FSTL5: variants seen among roughly 807,000 people sequenced by gnomAD.
The protein encoded by FSTL5 is follistatin-related protein 5.
In FSTL5, 62 loss-of-function variants were observed where a neutral mutation model predicts 89.1. The ratio of observed to expected loss-of-function variants is 0.70; its 90% CI spans 0.57 to 0.86. The LOEUF is 0.86. FSTL5 is among the 40% of genes least tolerant of loss of function. The pLI is 0.00. For missense variants in FSTL5, 1,057 were observed against 1,001.6 expected (o/e 1.06, Z -0.75); for synonymous variants, 383 against 346.2 (o/e 1.11, Z -1.18).
chr4:161,604,680 C>A (rs901983589), intron 7 of FSTL5, among the ~76,000 whole-genome samples: 1 of 152,064 alleles, frequency 6.6e-6, no homozygotes, highest in African/African-American at 2.4e-5. Context: ...ATGGGAGATG[C>A]CCTGTTGGAA....
chr4:161,943,507 T>G (rs1734648398), intron 3 of FSTL5, among the ~76,000 whole-genome samples: 1 of 146,756 alleles, frequency 6.8e-6, no homozygotes, highest in Non-Finnish European at 1.5e-5. Context: ...TATAAGTTTT[T>G]TATTGGACTT....
At chr4:162,095,877 T>C (rs1561016254) in intron 2 of FSTL5, among the ~76,000 whole-genome samples, 1 of 151,996 alleles carries the variant, frequency 6.6e-6, no homozygotes, top group African/African-American at 2.4e-5. Context: ...GTAAGTACGA[T>C]GATCAAGCAT....
chr4:161,927,401 T>C (rs1405648433), intron 3 of FSTL5, among the ~76,000 whole-genome samples: 2 of 151,718 alleles, frequency 1.3e-5, no homozygotes, highest in African/African-American at 4.8e-5. Flanking sequence ...CATATTAACA[T>C]TTTTTAAGTG....
intron 4 of FSTL5, among the ~76,000 whole-genome samples, chr4:161,897,053 C>T (rs967146083): frequency 1.6e-4 from 24 of 151,956 alleles, no homozygotes; most frequent in Non-Finnish European, 3.2e-4. Flanking sequence ...ATTCTCCTGT[C>T]TCAGCCTCCC....
At chr4:161,914,346 T>G (rs560844193) in intron 4 of FSTL5, among the ~76,000 whole-genome samples, 2 of 152,176 alleles carry the variant, frequency 1.3e-5, no homozygotes, top group Non-Finnish European at 2.9e-5. Flanking sequence ...GTCTAAGGAT[T>G]TGAATGTTAA....
chr4:161,947,498 T>C (rs1734768951), intron 3 of FSTL5, among the ~76,000 whole-genome samples: 2 of 152,110 alleles, frequency 1.3e-5, no homozygotes, highest in South Asian at 4.1e-4. Flanking sequence ...TTAAATACGT[T>C]CCTTTTCTCT....
rs567891340 is a variant in FSTL5, at chr4:161,469,613, G to T, written c.1609-10294C>A. On this transcript the variant is annotated intron_variant, in intron 13 of 15. Transcript: ENST00000306100. ...ATAACGTCTTTGAAAAATGTCTATTGAAGTTCTTTGCCCACTTTATTTATC... is the reference window on the plus strand; with the variant it reads ...ATAACGTCTTTGAAAAATGTCTATTTAAGTTCTTTGCCCACTTTATTTATC... Among the ~76,000 whole-genome samples the T allele has an allele frequency of 7.1e-4, 107 of 150,322 alleles. 1 individual carries two copies. In the South Asian group the frequency reaches 0.021, roughly 29 times the overall value.
intron 3 of FSTL5, among the ~76,000 whole-genome samples, chr4:162,020,328 T>TA (rs570310365): frequency 8.6e-5 from 13 of 152,032 alleles, no homozygotes; most frequent in East Asian, 1.9e-4. Context: ...AATTCAATAT[T>TA]AAAAAAATAG....
chr4:162,143,748 A>ACACACCCAC (rs1363446909), intron 1 of FSTL5, among the ~76,000 whole-genome samples: 1 of 127,680 alleles, frequency 7.8e-6, no homozygotes, highest in Non-Finnish European at 1.6e-5. Flanking sequence ...ACACACACAC[A>ACACACCCAC]CCCAGGAAAA....
At chr4:161,488,107 A>AT (rs1489271153) in intron 12 of FSTL5, among the ~76,000 whole-genome samples, 2 of 152,082 alleles carry the variant, frequency 1.3e-5, no homozygotes, top group African/African-American at 4.8e-5. Context: ...AAATTTGACC[A>AT]TTTTTTAAAG....
intron 2 of FSTL5, among the ~76,000 whole-genome samples, chr4:162,041,272 G>A (rs1406722549): frequency 6.6e-6 from 1 of 150,434 alleles, no homozygotes; most frequent in East Asian, 1.9e-4. Flanking sequence ...CTGTCTAGAG[G>A]ACATAGCATA....
At chr4:161,872,715 T>A (rs1225224766) in intron 4 of FSTL5, among the ~76,000 whole-genome samples, 1 of 152,152 alleles carries the variant, frequency 6.6e-6, no homozygotes, top group Non-Finnish European at 1.5e-5. Flanking sequence ...ACCAGCTTAG[T>A]AGCCATTAAA....
chr4:161,818,635 T>C (rs868399076), intron 4 of FSTL5, among the ~76,000 whole-genome samples: 31 of 152,148 alleles, frequency 2.0e-4, no homozygotes, highest in Admixed American at 1.8e-3. Context: ...CACACCCCCA[T>C]TGCACGCACT....
chr4:161,895,933 T>G (rs1212451714), intron 4 of FSTL5, among the ~76,000 whole-genome samples: 1 of 152,104 alleles, frequency 6.6e-6, no homozygotes, highest in African/African-American at 2.4e-5. Context: ...CTGCTTTACT[T>G]CTATATTATT....
chr4:161,650,534 C>T (rs1015347423), intron 7 of FSTL5, among the ~76,000 whole-genome samples: 17 of 152,056 alleles, frequency 1.1e-4, no homozygotes, highest in Non-Finnish European at 2.4e-4. Context: ...ATAATGCTTT[C>T]TTCAAAGAAA....
At chr4:161,436,810 A>G (rs1054655504) in intron 15 of FSTL5, among the ~76,000 whole-genome samples, 19 of 152,208 alleles carry the variant, frequency 1.2e-4, no homozygotes, top group Non-Finnish European at 2.6e-4. Flanking sequence ...CTTGCTTGCA[A>G]TAGAGAAAAC....
chr4:161,955,310 A>G (rs1173959606), intron 3 of FSTL5, among the ~76,000 whole-genome samples: 1 of 151,682 alleles, frequency 6.6e-6, no homozygotes, highest in Non-Finnish European at 1.5e-5. Flanking sequence ...AAGCCAGAGA[A>G]TAGTACTCTT....
intron 6 of FSTL5, among the ~76,000 whole-genome samples, chr4:161,710,063 G>C (rs1319303464): frequency 6.6e-6 from 1 of 151,910 alleles, no homozygotes; most frequent in Non-Finnish European, 1.5e-5. Flanking sequence ...TTACTTCCTG[G>C]GGTCAAGCAA....
intron 2 of FSTL5, among the ~76,000 whole-genome samples, chr4:162,099,933 T>C (rs1056021586): frequency 1.4e-5 from 2 of 142,948 alleles, no homozygotes; most frequent in Admixed American, 1.4e-4. Flanking sequence ...CTGGTGAGGA[T>C]AGTGGAGCAA....
Sources: gnomAD v4.1 joint callset for allele counts (sites outside exome capture counted in the v4.1 genomes callset) on GRCh38, gnomAD v4.1.1 for gene constraint, MANE v1.5 for transcripts, NCBI Gene and HGNC (gene_info 2026-07-23, HGNC 2026-07-21) for gene names.